The following ARHGAP36 variants were observed in gnomAD, a reference collection of about 807,000 sequenced individuals.
ARHGAP36 encodes rho GTPase-activating protein 36.
A neutral mutation model predicts 32.9 loss-of-function variants in ARHGAP36; 7 were observed. The ratio of observed to expected loss-of-function variants is 0.21; its 90% CI spans 0.12 to 0.40. ARHGAP36 has a LOEUF of 0.40. ARHGAP36 is among the 10% of genes least tolerant of loss of function. ARHGAP36 has a pLI of 1.00. For synonymous variants in ARHGAP36, 165 were observed against 168.3 expected, an observed-to-expected ratio of 0.98 and a Z score of 0.15; for missense variants, 383 against 442.2, an observed-to-expected ratio of 0.87 and a Z score of 1.20.
intron 1 of ARHGAP36, among the ~76,000 whole-genome samples, chrX:131,068,930 C>A (rs5932831): frequency 1.6e-3 from 183 of 111,968 alleles, no homozygotes; most frequent in Non-Finnish European, 2.7e-3. Context: ...AAATGTTCCC[C>A]CCTCCCGCTT....
At chrX:131,079,145 G>A (rs1398184893) in intron 1 of ARHGAP36, among the ~76,000 whole-genome samples, 1 of 111,981 alleles carries the variant, frequency 8.9e-6, no homozygotes, top group African/African-American at 3.3e-5. Flanking sequence ...GGGGAGTAAT[G>A]TTAGAGAAAT....
At chrX:131,070,865 G>C (rs746535550) in intron 1 of ARHGAP36, among the ~76,000 whole-genome samples, 1 of 108,969 alleles carries the variant, frequency 9.2e-6, no homozygotes, top group East Asian at 2.9e-4. Flanking sequence ...GGTTCAAATC[G>C]TGTCTCCCAG....
rs190503579 is a variant in ARHGAP36 at position 131,072,705 on chromosome X, G to A, written c.-142-8819G>A. 5.3e-3 allele frequency among the ~76,000 whole-genome samples: 594 copies of A among 111,950 alleles called. 3 individuals carry two copies. The highest frequency in any genetic ancestry group is 0.018 in the African/African-American group (550 of 30,804). On this transcript the variant is annotated intron_variant, in intron 1 of 11. Coordinates refer to ENST00000276211, the MANE Select transcript of ARHGAP36 (RefSeq NM_144967.4). ...GGAAGGGACCCTTGGGCTGAATCTTGAAGGAGAGCTCTGCTTTGAATAGGG... is the reference window on the plus strand; with the variant it reads ...GGAAGGGACCCTTGGGCTGAATCTTAAAGGAGAGCTCTGCTTTGAATAGGG...
rs568216660 is a variant in ARHGAP36, at chrX:131,086,933, A to G, written c.1486+268A>G. 2.2e-3 allele frequency among the ~76,000 whole-genome samples: 244 copies of G among 111,987 alleles called. 4 individuals carry two copies. Among genetic ancestry groups the G allele is most frequent in the South Asian group, 0.018 (46 of 2,618 alleles). ...CTTGATGAGGAAGATGATGATGATG[A>G]TAATGATACTTTAAATTTTGATGAT... On this transcript the variant is annotated intron_variant, in intron 11 of 11. Transcript: ENST00000276211.
chrX:131,086,987 C>A (rs2079838996), intron 11 of ARHGAP36, among the ~76,000 whole-genome samples: 1 of 111,249 alleles, frequency 9.0e-6, no homozygotes, highest in Admixed American at 9.5e-5. Flanking sequence ...ATTCTAGAAC[C>A]AGATAATGAA....
At chrX:131,083,707 C>T (rs1474393573) in intron 3 of ARHGAP36, 27 bp from the exon 4 acceptor site, 21 of 1,187,183 alleles carry the variant, frequency 1.8e-5, no homozygotes, top group Non-Finnish European at 2.4e-5. Context: ...TTTGACGTTT[C>T]TCATTCTTTC....
Position 131,081,824 on chromosome X carries a change from C to T in ARHGAP36, c.159C>T (p.His53=). 8.2e-7 allele frequency: 1 copy of T among 1,212,160 alleles called. No individual in the cohort carries two copies. Among genetic ancestry groups the T allele is most frequent in the Non-Finnish European group, 1.1e-6 (1 of 895,605 alleles). The change falls in exon 2 of 12, where the codon CAC becomes CAT. Residue 53 remains histidine, a synonymous_variant. Coordinates refer to ENST00000276211, the MANE Select transcript of ARHGAP36 (RefSeq NM_144967.4). The part of the protein sequence containing the change: ...PDRRTKMVSI[H]SLSELERLKL... ...GCAGGACGAAGATGGTATCGATACACAGCCTCTCTGAGCTGGAGCGTCTGA... is the reference window on the plus strand; with the variant it reads ...GCAGGACGAAGATGGTATCGATACATAGCCTCTCTGAGCTGGAGCGTCTGA...
At chrX:131,070,174 A>G (rs2079725946) in intron 1 of ARHGAP36, among the ~76,000 whole-genome samples, 2 of 112,342 alleles carry the variant, frequency 1.8e-5, no homozygotes, top group Non-Finnish European at 3.8e-5. Context: ...AAAGCCCTCC[A>G]CCTCTAAGCC....
rs150401178 is a variant in ARHGAP36 at position 131,060,069 on chromosome X, C to T, written c.-143+1625C>T. Among the ~76,000 whole-genome samples, 564 of 111,721 alleles carry T rather than the reference C, an allele frequency of 5.0e-3. 2 individuals carry two copies. The highest frequency in any genetic ancestry group is 8.9e-3 in the Non-Finnish European group (473 of 53,063). ...GGCATTGACTTCCATGGTCCTCCTT[C>T]CTAGGAAACAGTGTCAGCTCTCCCC... On this transcript the variant is annotated intron_variant, in intron 1 of 11. Coordinates refer to ENST00000276211, the MANE Select transcript of ARHGAP36 (RefSeq NM_144967.4).
rs2079851750 is a variant in ARHGAP36, at chrX:131,088,940, A to G, written c.*155A>G. 2 of 763,829 alleles carry G rather than the reference A, an allele frequency of 2.6e-6. No homozygotes were observed. The highest frequency in any genetic ancestry group is 8.9e-5 in the Admixed American group (2 of 22,522). The allele number at this position is 763,829 out of a possible 1,213,427, so 62.9% of individuals were successfully genotyped here. On this transcript the variant is annotated 3_prime_UTR_variant, in exon 12 of 12. Coordinates refer to ENST00000276211, the MANE Select transcript of ARHGAP36 (RefSeq NM_144967.4). ...GGGTCAGGATGAGAATTCCAAACACACTGCCAGCCCCTTCACTGGGGATGC... is the reference window on the plus strand; with the variant it reads ...GGGTCAGGATGAGAATTCCAAACACGCTGCCAGCCCCTTCACTGGGGATGC...
At position 131,081,832 on chromosome X, in the gene ARHGAP36, C is replaced by G. The variant is rs1435847344; in HGVS notation, c.167C>G (p.Ser56Cys). 10 of 1,212,207 alleles carry G rather than the reference C, an allele frequency of 8.2e-6. No individual in the cohort carries two copies. Among genetic ancestry groups the G allele is most frequent in the Admixed American group, 4.3e-5 (2 of 46,110 alleles). ...RTKMVSIHSL[S>C]ELERLKLQET... Reference sequence around the variant, plus strand: ...AAGATGGTATCGATACACAGCCTCTCTGAGCTGGAGCGTCTGAAGCTGCAA... The same window carrying G: ...AAGATGGTATCGATACACAGCCTCTGTGAGCTGGAGCGTCTGAAGCTGCAA... Residue 56 changes from serine to cysteine, a missense_variant, in exon 2 of 12, where the codon TCT becomes TGT. Ser to Cys is a moderately radical substitution (Grantham distance 112, BLOSUM62 -1). Transcript: ENST00000276211.
At chrX:131,077,881 G>GAAT (rs766204340) in intron 1 of ARHGAP36, among the ~76,000 whole-genome samples, 1 of 106,637 alleles carries the variant, frequency 9.4e-6, no homozygotes, top group African/African-American at 3.5e-5. Flanking sequence ...TTATTAATCT[G>GAAT]AATAATAACA....
Position 131,058,385 on chromosome X carries a change from T to C in ARHGAP36, c.-202T>C. 1.8e-6 allele frequency: 2 copies of C among 1,124,799 alleles called. No homozygotes were observed. Among genetic ancestry groups the C allele is most frequent in the Non-Finnish European group, 2.3e-6 (2 of 852,280 alleles). 92.7% of individuals were successfully genotyped at this position (1,124,799 alleles called of 1,213,427 possible). A position where few individuals can be genotyped will look rare whatever the true frequency, so the allele number is the denominator to read the frequency against. ...CGAGCTGCCGGGCACTCAGCGCGGG[T>C]CATGGCGTGGATACTGGACTGCCTT... is the stretch of plus-strand genomic sequence containing the variant. On this transcript the variant is annotated 5_prime_UTR_variant, in exon 1 of 12. Transcript: ENST00000276211.
rs2079849462 is a variant in ARHGAP36 at position 131,088,689 on chromosome X, A to C, written c.1548A>C (p.Gly516=). Residue 516 remains glycine (G), a synonymous_variant, in exon 12 of 12, where the codon GGA becomes GGC. Transcript: ENST00000276211. ...CCCGTTCCCATGACGATGAGGAAGG[A>C]GCGGGTAACCCTCCCATTCCGGAGC... ...GTARSHDDEE[G]AGNPPIPEQD... The C allele has an allele frequency of 8.3e-7, 1 of 1,211,754 alleles. No homozygotes were observed. Among genetic ancestry groups the C allele is most frequent in the African/African-American group, 1.7e-5 (1 of 57,872 alleles).
At chrX:131,065,935 CT>C (rs1224788293) in intron 1 of ARHGAP36, among the ~76,000 whole-genome samples, 2 of 112,270 alleles carry the variant, frequency 1.8e-5, no homozygotes, top group East Asian at 2.8e-4. Flanking sequence ...TATCCACCCC[CT>C]GACCTCTTTG....
At chrX:131,071,666 C>T (rs1460794987) in intron 1 of ARHGAP36, among the ~76,000 whole-genome samples, 2 of 112,223 alleles carry the variant, frequency 1.8e-5, no homozygotes, top group Non-Finnish European at 3.8e-5. Flanking sequence ...TGGGCTTCCA[C>T]AGCAGCTATA....
intron 1 of ARHGAP36, among the ~76,000 whole-genome samples, chrX:131,077,764 C>CATATATATATATATATATATAT (rs72142237): frequency 3.4e-5 from 3 of 87,026 alleles, no homozygotes; most frequent in Admixed American, 1.2e-4. Flanking sequence ...CAAATAAAAT[C>CATATATATATATATATATATAT]ATATATATAT....
At chrX:131,085,086 G>A in intron 7 of ARHGAP36, 22 bp downstream of exon 7, 1 of 1,197,637 alleles carries the variant, frequency 8.3e-7, no homozygotes, top group East Asian at 3.0e-5. Flanking sequence ...GACCTCCCTA[G>A]TAGGGCAAGG....
chrX:131,084,854 A>G, intron 6 of ARHGAP36, 60 bp from the exon 7 acceptor site: 1 of 1,194,194 alleles, frequency 8.4e-7, no homozygotes, highest in Non-Finnish European at 1.1e-6. Context: ...TGTTGAAGGA[A>G]TGACCAAGAT....
Sources: gnomAD v4.1 joint callset for allele counts (sites outside exome capture counted in the v4.1 genomes callset) on GRCh38, gnomAD v4.1.1 for gene constraint, MANE v1.5 for transcripts, NCBI Gene and HGNC (gene_info 2026-07-23, HGNC 2026-07-21) for gene names.